TBC1D2: variants seen among roughly 807,000 people sequenced by gnomAD.
TBC1D2 encodes the protein TBC1 domain family member 2A.
Under a neutral mutation model 91.1 loss-of-function variants are expected in TBC1D2, and 58 were observed. That is an observed-to-expected ratio of 0.64 (90% CI 0.52 to 0.79). TBC1D2 has a LOEUF of 0.79. Among genes scored for constraint, TBC1D2 ranks in the 30% least tolerant of loss-of-function variants. The pLI, the probability that TBC1D2 is intolerant of heterozygous loss-of-function variation, is 0.00. For synonymous variants in TBC1D2, 482 were observed against 511.5 expected (o/e 0.94, Z 0.78); for missense variants, 1,080 against 1,208.3 (o/e 0.89, Z 1.57).
At chr9:98,207,807 T>C (rs747066933) in intron 9 of TBC1D2, among the ~76,000 whole-genome samples, 6 of 152,196 alleles carry the variant, frequency 3.9e-5, no homozygotes, top group Non-Finnish European at 5.9e-5. Flanking sequence ...ACCTTGGTGC[T>C]ATACGAGCTC....
intron 10 of TBC1D2, among the ~76,000 whole-genome samples, chr9:98,202,228 C>T (rs568364154): frequency 1.3e-5 from 2 of 152,168 alleles, no homozygotes; most frequent in East Asian, 1.9e-4. Context: ...GTGCTCCTGG[C>T]GACACTGGCC....
intron 1 of TBC1D2, 80 bp downstream of exon 1, chr9:98,255,093 C>T: frequency 6.6e-7 from 1 of 1,522,090 alleles, no homozygotes; most frequent in Middle Eastern, 2.1e-4. Flanking sequence ...CTGTGTCCAC[C>T]TCACACTCGC....
chr9:98,201,387 T>G (rs1828496547), intron 11 of TBC1D2, 92 bp downstream of exon 11: 1 of 1,214,130 alleles, frequency 8.2e-7, no homozygotes. Flanking sequence ...AAGTAAGCAT[T>G]GTCTTCCCAT....
chr9:98,208,295 G>A (rs141883954), intron 9 of TBC1D2, among the ~76,000 whole-genome samples: 8 of 151,968 alleles, frequency 5.3e-5, no homozygotes, highest in African/African-American at 9.7e-5. Flanking sequence ...CTAAAACAAC[G>A]GTCCCCAACC....
At chr9:98,226,286 G>A (rs909703630) in intron 5 of TBC1D2, among the ~76,000 whole-genome samples, 5 of 152,240 alleles carry the variant, frequency 3.3e-5, no homozygotes, top group Non-Finnish European at 5.9e-5. Context: ...TGAAGGCACT[G>A]ATGGGCTCTC....
intron 6 of TBC1D2, among the ~76,000 whole-genome samples, chr9:98,219,182 T>C (rs1187558463): frequency 6.6e-6 from 1 of 152,212 alleles, no homozygotes; most frequent in Non-Finnish European, 1.5e-5. Context: ...TTTATCCTTC[T>C]AACAGCCCTA....
intron 1 of TBC1D2, 46 bp downstream of exon 1, chr9:98,255,127 G>T (rs1271997143): frequency 1.3e-6 from 2 of 1,560,830 alleles, no homozygotes; most frequent in Admixed American, 3.6e-5. Context: ...CTGCGAAAAG[G>T]GGACCTCACG....
intron 7 of TBC1D2, among the ~76,000 whole-genome samples, chr9:98,212,228 C>T (rs576399392): frequency 4.4e-4 from 67 of 152,282 alleles, no homozygotes; most frequent in Non-Finnish European, 6.9e-4. Context: ...GAGGACTTCT[C>T]CACTCAGAAT....
chr9:98,207,343 T>C (rs1279852436), intron 9 of TBC1D2, among the ~76,000 whole-genome samples: 1 of 152,260 alleles, frequency 6.6e-6, no homozygotes, highest in Non-Finnish European at 1.5e-5. Flanking sequence ...CTTAGGTATA[T>C]GTGTGTTTAA....
chr9:98,221,134 C>T lies in TBC1D2; in HGVS notation c.1073G>A (p.Arg358Gln), dbSNP rs765967977. The T allele has an allele frequency of 2.0e-5, 32 of 1,587,574 alleles. No homozygotes were observed. The highest frequency in any genetic ancestry group is 6.7e-5 in the African/African-American group (5 of 74,320). ...AYLAAAEDKD[R>Q]LELVRHKVRQ... ...CACTTTGTGCCGCACCAGCTCCAGC[C>T]GGTCCTTGTCCTCAGCCGCCGCCAG... Residue 358 changes from arginine to glutamine, a missense_variant, in exon 6 of 13, where the codon CGG (arginine) becomes CAG (glutamine). Transcript: ENST00000465784.
Position 98,221,225 on chromosome 9 carries a change from GCTC to G in TBC1D2, c.979_981del (p.Glu327del). 5 of 1,536,492 alleles carry G rather than the reference GCTC, an allele frequency of 3.3e-6. No homozygotes were observed. The highest frequency in any genetic ancestry group is 3.5e-6 in the Non-Finnish European group (4 of 1,136,876). Reference sequence around the variant, plus strand: ...AGTGCCTTGTGCAGGATCTTCACTAGCTCCTGGGCAGGGAGAGGGAAGAATCTT... The same window carrying G: ...AGTGCCTTGTGCAGGATCTTCACTAGCTGGGCAGGGAGAGGGAAGAATCTT... On this transcript the variant is annotated inframe_deletion and splice_region_variant, in exon 6 of 13. Coordinates refer to ENST00000465784, the MANE Select transcript of TBC1D2 (RefSeq NM_001267571.2).
chr9:98,201,583 G>C lies in TBC1D2; in HGVS notation c.2353C>G (p.Leu785Val), dbSNP rs1265122773. Residue 785 changes from leucine to valine, a missense_variant, in exon 11 of 13, where the codon CTC becomes GTC. By Grantham distance (32) the Leu-to-Val change is conservative (BLOSUM62 1). Transcript: ENST00000465784. ...MAHLGQHHVD[L>V]SLVTFNWFLV... ...AACCAGTTGAAGGTGACGAGGGAGA[G>C]ATCCACGTGGTGCTGCCCCAGATGG... 3 of 1,614,044 alleles carry C rather than the reference G, an allele frequency of 1.9e-6. No individual in the cohort carries two copies. Among genetic ancestry groups the C allele is most frequent in the African/African-American group, 1.3e-5 (1 of 74,944 alleles).
chr9:98,224,364 C>G (rs925964736), intron 5 of TBC1D2, among the ~76,000 whole-genome samples: 1 of 150,102 alleles, frequency 6.7e-6, no homozygotes, highest in Non-Finnish European at 1.5e-5. Flanking sequence ...CCCACCGCAG[C>G]CTCAACCTCC....
intron 5 of TBC1D2, among the ~76,000 whole-genome samples, chr9:98,224,043 C>CA (rs903833288): frequency 7.9e-5 from 12 of 151,698 alleles, no homozygotes; most frequent in South Asian, 2.1e-4. Context: ...ACTAAAAATA[C>CA]AAAAAAATTA....
intron 4 of TBC1D2, 39 bp from the exon 5 acceptor site, chr9:98,229,187 C>T (rs557721420): frequency 1.9e-6 from 3 of 1,594,614 alleles, no homozygotes; most frequent in Admixed American, 3.4e-5. Context: ...TGACTGATGA[C>T]ATCAGCAGTT....
chr9:98,208,256 G>A (rs1828708155), intron 9 of TBC1D2, among the ~76,000 whole-genome samples: 1 of 152,088 alleles, frequency 6.6e-6, no homozygotes, highest in Non-Finnish European at 1.5e-5. Context: ...TCAGGTTCTT[G>A]GGAGGCTCCA....
chr9:98,237,909 CT>C (rs200976335), intron 3 of TBC1D2, among the ~76,000 whole-genome samples: 19,178 of 123,896 alleles, frequency 0.15, 1,196 homozygotes, highest in Non-Finnish European at 0.2. Flanking sequence ...TCTTTTTTTT[CT>C]TTTTTTTTTT....
At chr9:98,229,721 T>C (rs1829322360) in intron 4 of TBC1D2, among the ~76,000 whole-genome samples, 1 of 152,260 alleles carries the variant, frequency 6.6e-6, no homozygotes, top group Non-Finnish European at 1.5e-5. Flanking sequence ...TCCCCCACAG[T>C]TGATTGTCTC....
Position 98,244,079 on chromosome 9 carries a change from G to T in TBC1D2, c.562C>A (p.Pro188Thr), listed in dbSNP as rs373090046. The T allele has an allele frequency of 6.2e-7, 1 of 1,613,292 alleles. No individual in the cohort carries two copies. Among genetic ancestry groups the T allele is most frequent in the Non-Finnish European group, 8.5e-7 (1 of 1,179,708 alleles). ...GCAGCTGCCACGCCCACTAGCCCAG[G>T]GGGTGTTTTCACAGGGCACAGGAAC... ...EEFLCPVKTP[P>T]GLVGVAAALQ... The change falls in exon 3 of 13, where the codon CCT becomes ACT. Residue 188 changes from proline (P) to threonine (T), a missense_variant. By Grantham distance (38) the Pro-to-Thr change is conservative (BLOSUM62 -1). Coordinates refer to ENST00000465784, the MANE Select transcript of TBC1D2 (RefSeq NM_001267571.2).
Sources: allele counts gnomAD v4.1 joint callset (sites outside exome capture counted in the v4.1 genomes callset), GRCh38; gene constraint gnomAD v4.1.1; transcripts MANE v1.5; gene names NCBI Gene and HGNC (gene_info 2026-07-23, HGNC 2026-07-21).